Variants in MROH7 observed in about 807,000 individuals in gnomAD.
MROH7 encodes the protein maestro heat like repeat family member 7, also known as maestro heat-like repeat-containing protein family member 7.
A neutral mutation model predicts 129.2 loss-of-function variants in MROH7; 113 were observed. That is an observed-to-expected ratio of 0.87 (90% CI 0.75 to 1.02). MROH7 has a LOEUF of 1.02. Ranked by LOEUF, MROH7 falls within the 50% of genes least tolerant of loss-of-function variation. MROH7 has a pLI of 0.00. For missense variants in MROH7, 1,601 were observed against 1,671.3 expected, an observed-to-expected ratio of 0.96 and a Z score of 0.73; for synonymous variants, 655 against 667.9, an observed-to-expected ratio of 0.98 and a Z score of 0.30.
chr1:54,689,454 G>T (rs1159000736), intron 15 of MROH7, among the ~76,000 whole-genome samples: 5 of 152,186 alleles, frequency 3.3e-5, no homozygotes, highest in Non-Finnish European at 7.4e-5. Context: ...TACAGGAAAT[G>T]AATCCTCTGG....
At chr1:54,671,325 G>A (rs772126477) in intron 7 of MROH7, among the ~76,000 whole-genome samples, 2 of 152,302 alleles carry the variant, frequency 1.3e-5, no homozygotes, top group East Asian at 1.9e-4. Flanking sequence ...GCTGGAACCC[G>A]GGAGGCAGAG....
intron 3 of MROH7, among the ~76,000 whole-genome samples, chr1:54,658,828 A>G (rs1644687168): frequency 2.0e-5 from 3 of 152,134 alleles, no homozygotes. Context: ...TCTATGCATT[A>G]TGAAATGCAC....
chr1:54,686,016 A>G (rs1645141390), intron 14 of MROH7, among the ~76,000 whole-genome samples: 1 of 152,120 alleles, frequency 6.6e-6, no homozygotes. Context: ...CCAAGGTTGC[A>G]TAAACATCAA....
At chr1:54,685,703 G>T (rs1460409507) in intron 14 of MROH7, among the ~76,000 whole-genome samples, 1 of 152,186 alleles carries the variant, frequency 6.6e-6, no homozygotes, top group Non-Finnish European at 1.5e-5. Flanking sequence ...GGCTGGTGTT[G>T]TTTCTCTTGG....
chr1:54,653,814 G>T lies in MROH7; in HGVS notation c.888G>T (p.Ser296=). 6.2e-7 allele frequency: 1 copy of T among 1,614,076 alleles called. No individual in the cohort carries two copies. Among genetic ancestry groups the T allele is most frequent in the Non-Finnish European group, 8.5e-7 (1 of 1,180,002 alleles). ...TGAGCGTGACCATCACTCAAGCCTC[G>T]TATGTGACCCTGATTCCTGGCTCCA... is the stretch of plus-strand genomic sequence containing the variant. ...SDLSVTITQA[S]YVTLIPGSSY... Residue 296 remains serine, a synonymous_variant, in exon 3 of 24, where the codon TCG becomes TCT. Transcript: ENST00000421030.
intron 14 of MROH7, among the ~76,000 whole-genome samples, chr1:54,683,490 C>A (rs1645102259): frequency 6.6e-6 from 1 of 152,178 alleles, no homozygotes; most frequent in Non-Finnish European, 1.5e-5. Context: ...CTGGTCCATA[C>A]CCCTGCCTAC....
At chr1:54,693,680 C>T (rs1645275444) in intron 16 of MROH7, among the ~76,000 whole-genome samples, 1 of 152,094 alleles carries the variant, frequency 6.6e-6, no homozygotes, top group African/African-American at 2.4e-5. Context: ...CAAGAGGGAG[C>T]ACCTTGATTC....
At chr1:54,654,703 CTTCTA>C (rs1200211872) in intron 3 of MROH7, among the ~76,000 whole-genome samples, 4 of 151,956 alleles carry the variant, frequency 2.6e-5, no homozygotes, top group African/African-American at 9.7e-5. Context: ...CTGTATAATA[CTTCTA>C]TTCTGTCCAA....
chr1:54,642,446 A>C (rs1191689352), intron 1 of MROH7, among the ~76,000 whole-genome samples: 1 of 152,148 alleles, frequency 6.6e-6, no homozygotes, highest in East Asian at 1.9e-4. Context: ...TTCCTTTAGG[A>C]TAAGGACCTA....
At chr1:54,693,556 A>T (rs1035807496) in intron 16 of MROH7, among the ~76,000 whole-genome samples, 3 of 152,180 alleles carry the variant, frequency 2.0e-5, no homozygotes, top group African/African-American at 7.2e-5. Context: ...CCAAGTCTGG[A>T]GAGGAATTGT....
At chr1:54,683,682 C>T (rs1557714721) in intron 14 of MROH7, among the ~76,000 whole-genome samples, 1 of 152,318 alleles carries the variant, frequency 6.6e-6, no homozygotes, top group East Asian at 1.9e-4. Flanking sequence ...CATGGTCCTC[C>T]TGCTTGCTTT....
intron 1 of MROH7, among the ~76,000 whole-genome samples, chr1:54,646,398 A>C (rs188994456): frequency 9.2e-5 from 14 of 152,300 alleles, no homozygotes; most frequent in Admixed American, 9.2e-4. Context: ...TGCTGTCGGC[A>C]GATCTGTGTG....
Position 54,653,880 on chromosome 1 carries a change from C to T in MROH7, c.954C>T (p.Asn318=), listed in dbSNP as rs923723755. ...TGCACTCCAGCACCCATGAGCCCAA[C>T]TCCACCATCTCTCCACCCTCATGCA... ...ISLHSSTHEP[N]STISPPSCMT... Residue 318 remains asparagine (N), a synonymous_variant, in exon 3 of 24, where the codon AAC becomes AAT. Transcript: ENST00000421030. 2 of 1,613,998 alleles carry T rather than the reference C, an allele frequency of 1.2e-6. No homozygotes were observed. Among genetic ancestry groups the T allele is most frequent in the Non-Finnish European group, 1.7e-6 (2 of 1,179,866 alleles).
intron 1 of MROH7, among the ~76,000 whole-genome samples, chr1:54,642,591 C>T (rs190308550): frequency 6.6e-6 from 1 of 152,234 alleles, no homozygotes; most frequent in East Asian, 1.9e-4. Context: ...CAGCCTCTAC[C>T]ACTTGCTTGG....
At chr1:54,683,103 G>A (rs1023413679) in intron 14 of MROH7, among the ~76,000 whole-genome samples, 8 of 150,178 alleles carry the variant, frequency 5.3e-5, no homozygotes, top group African/African-American at 1.3e-4. Flanking sequence ...TTTGGGAGGC[G>A]GAGGCAGAGG....
chr1:54,659,669 T>C (rs1437850205), intron 3 of MROH7, among the ~76,000 whole-genome samples: 1 of 152,198 alleles, frequency 6.6e-6, no homozygotes, highest in Non-Finnish European at 1.5e-5. Context: ...GTCAGGCTGG[T>C]CTTGAACTCC....
chr1:54,666,469 C>T (rs1644817385), intron 4 of MROH7, among the ~76,000 whole-genome samples: 2 of 122,868 alleles, frequency 1.6e-5, no homozygotes, highest in Non-Finnish European at 3.2e-5. Flanking sequence ...GGGTCTCGCT[C>T]TGTCACTCGG....
At chr1:54,655,310 C>T (rs761535064) in intron 3 of MROH7, among the ~76,000 whole-genome samples, 5 of 151,840 alleles carry the variant, frequency 3.3e-5, no homozygotes, top group South Asian at 2.1e-4. Flanking sequence ...CCACCACACC[C>T]GACCGAGAAT....
At position 54,692,557 on chromosome 1, in the gene MROH7, G is replaced by A. The variant is rs577466388; in HGVS notation, c.2845G>A (p.Ala949Thr). 1.2e-6 allele frequency: 2 copies of A among 1,610,568 alleles called. No individual in the cohort carries two copies. Among genetic ancestry groups the A allele is most frequent in the South Asian group, 2.2e-5 (2 of 91,030 alleles). ...ESHHRGVALL[A>T]RAMVQYSCQE... ...CCACCACCGCGGAGTGGCCTTGCTG[G>A]CAAGGTGAGTCCCGGGACCACCTTG... is the stretch of plus-strand genomic sequence containing the variant. The change falls in exon 16 of 24, where the codon GCA (alanine) becomes ACA (threonine). Residue 949 changes from alanine to threonine, a missense_variant. Transcript: ENST00000421030.
Sources: gnomAD v4.1 joint callset for allele counts (sites outside exome capture counted in the v4.1 genomes callset) on GRCh38, gnomAD v4.1.1 for gene constraint, MANE v1.5 for transcripts, NCBI Gene and HGNC (gene_info 2026-07-23, HGNC 2026-07-21) for gene names.